Variants in PXDN observed in about 807,000 individuals in gnomAD.
The protein encoded by PXDN is peroxidasin homolog.
A neutral mutation model predicts 140.3 loss-of-function variants in PXDN; 77 were observed. That is an observed-to-expected ratio of 0.55 (90% CI 0.46 to 0.66). PXDN has a LOEUF of 0.66. Among genes scored for constraint, PXDN ranks in the 30% least tolerant of loss-of-function variants. PXDN has a pLI of 0.00. For missense variants in PXDN, 1,838 were observed against 2,039.5 expected (o/e 0.90, Z 1.90); for synonymous variants, 911 against 857.4 (o/e 1.06, Z -1.09).
intron 22 of PXDN, 49 bp from the exon 23 acceptor site, chr2:1,634,372 A>T (rs1324747318): frequency 6.5e-7 from 1 of 1,529,564 alleles, no homozygotes; most frequent in East Asian, 2.5e-5. Context: ...GATGGCCTTC[A>T]GGTGAGCAAA....
chr2:1,736,598 C>G (rs1685428530), intron 1 of PXDN, among the ~76,000 whole-genome samples: 1 of 152,054 alleles, frequency 6.6e-6, no homozygotes, highest in Non-Finnish European at 1.5e-5. Flanking sequence ...GGTGGGAGGA[C>G]TGCTTGAAGC....
In PXDN at chr2:1,685,890, T is replaced by C. The variant is rs184283938; in HGVS notation, c.417-1739A>G. Among the ~76,000 whole-genome samples the C allele has an allele frequency of 1.1e-4, 16 of 152,236 alleles. No individual in the cohort carries two copies. In the East Asian group the frequency reaches 1.6e-3, roughly 15 times the overall value. On this transcript the variant is annotated intron_variant, in intron 4 of 22. Coordinates refer to ENST00000252804, the MANE Select transcript of PXDN (RefSeq NM_012293.3). The surrounding 1 kb of genome is among the most constrained non-coding windows in gnomAD (Gnocchi z 5.1). ...CTCCCCAAGTATACTGAGGTCATCA[T>C]TGAATTCAAACGCATGTTTCCTGAC...
intron 19 of PXDN, among the ~76,000 whole-genome samples, chr2:1,640,533 C>T (rs569607823): frequency 6.6e-6 from 1 of 152,322 alleles, no homozygotes; most frequent in South Asian, 2.1e-4. Flanking sequence ...CACAGCGGAG[C>T]CCACAAACAG....
In PXDN at chr2:1,633,194, A is replaced by G. The variant is rs1159898204; in HGVS notation, c.*1010T>C. 1 of 138,760 alleles carries G rather than the reference A, an allele frequency of 7.2e-6. No individual in the cohort carries two copies. Among genetic ancestry groups the G allele is most frequent in the Non-Finnish European group, 1.5e-5 (1 of 65,762 alleles). The allele number at this position is 138,760 out of a possible 1,614,324, so 8.6% of individuals were successfully genotyped here. ...TTTTTTTTTTTTTTTTAACGCACTC[A>G]CACAACCTGAAGTTAGACAGTTCCC... is the stretch of plus-strand genomic sequence containing the variant. On this transcript the variant is annotated 3_prime_UTR_variant, in exon 23 of 23. Transcript: ENST00000252804.
intron 1 of PXDN, among the ~76,000 whole-genome samples, chr2:1,696,198 A>T (rs988277708): frequency 2.0e-5 from 3 of 152,276 alleles, no homozygotes; most frequent in African/African-American, 7.2e-5. Flanking sequence ...AAACATTTTT[A>T]AAATTAACTG....
intron 9 of PXDN, among the ~76,000 whole-genome samples, chr2:1,668,311 T>A (rs1214923288): frequency 6.6e-6 from 1 of 152,176 alleles, no homozygotes; most frequent in Non-Finnish European, 1.5e-5. Context: ...CAAAGATGGA[T>A]TAAAGACTTA....
chr2:1,720,720 T>TCACA (rs1239770052), intron 1 of PXDN, among the ~76,000 whole-genome samples: 28 of 25,436 alleles, frequency 1.1e-3, no homozygotes, highest in African/African-American at 1.9e-3. Flanking sequence ...TCTCTCTCTC[T>TCACA]CTCTCACACA....
At position 1,648,953 on chromosome 2, in the gene PXDN, G is replaced by A. The variant is rs200127189; in HGVS notation, c.2827C>T (p.Arg943Trp). Residue 943 changes from arginine (R) to tryptophan (W), a missense_variant, in exon 17 of 23, where the codon CGG (arginine) becomes TGG (tryptophan). This residue lies in a region of PXDN where 850 missense variants were observed against 894.1 expected (regional missense o/e 0.95). Transcript: ENST00000252804. The surrounding 1 kb of genome is among the most constrained non-coding windows in gnomAD (Gnocchi z 8.9). ...AAGGGGAGCAGCGGCTTCCCGGACCGCTGCACGATGCCCTGCCGCAGCAGG... is the reference window on the plus strand; with the variant it reads ...AAGGGGAGCAGCGGCTTCCCGGACCACTGCACGATGCCCTGCCGCAGCAGG... ...RGLLRQGIVQ[R>W]SGKPLLPFAT... 2.7e-4 allele frequency: 433 copies of A among 1,606,538 alleles called. No homozygotes were observed. In the African/African-American group the frequency reaches 4.9e-3, roughly 18 times the overall value.
At chr2:1,674,454 C>T (rs561029479) in intron 8 of PXDN, among the ~76,000 whole-genome samples, 3 of 152,344 alleles carry the variant, frequency 2.0e-5, no homozygotes, top group South Asian at 2.1e-4. Context: ...CACTGCACCA[C>T]GAAGAGGCCA....
rs1224580774 is a variant in PXDN, at chr2:1,742,895, TG to T, written c.200+1360del. 1.2e-4 allele frequency among the ~76,000 whole-genome samples: 19 copies of T among 152,370 alleles called. No homozygotes were observed. In the East Asian group the frequency reaches 2.5e-3, roughly 20 times the overall value. ...GGAGCCGTGGTCTGTCCCAGCACTT[TG>T]TTTCGGAGGTAGGCGCACTGGCCGC... On this transcript the variant is annotated intron_variant, in intron 1 of 22. Transcript: ENST00000252804.
rs1221293147 is a variant in PXDN at position 1,633,478 on chromosome 2, C to G, written c.*726G>C. The G allele has an allele frequency of 6.6e-6, 1 of 152,028 alleles. No individual in the cohort carries two copies. The highest frequency in any genetic ancestry group is 1.5e-5 in the Non-Finnish European group (1 of 68,044). 9.4% of individuals were successfully genotyped at this position (152,028 alleles called of 1,614,324 possible). On this transcript the variant is annotated 3_prime_UTR_variant, in exon 23 of 23. Coordinates refer to ENST00000252804, the MANE Select transcript of PXDN (RefSeq NM_012293.3). ...ATGTTCTAATCAGGTGTGGAAGGAG[C>G]TGACACACGGAGAGTCACAGGCTAT... is the stretch of plus-strand genomic sequence containing the variant.
intron 1 of PXDN, among the ~76,000 whole-genome samples, chr2:1,696,340 T>C (rs1684300961): frequency 6.6e-6 from 1 of 152,136 alleles, no homozygotes; most frequent in Non-Finnish European, 1.5e-5. Flanking sequence ...CAGTTAGACC[T>C]CCCACCATGC....
chr2:1,665,179 A>G (rs962744478), intron 10 of PXDN, 105 bp from the exon 11 acceptor site: 50 of 815,966 alleles, frequency 6.1e-5, no homozygotes, highest in Non-Finnish European at 1.2e-5. Context: ...GACCATTAGG[A>G]GCAATGTCTA....
At chr2:1,740,079 G>A (rs923229784) in intron 1 of PXDN, among the ~76,000 whole-genome samples, 1 of 152,236 alleles carries the variant, frequency 6.6e-6, no homozygotes, top group Non-Finnish European at 1.5e-5. Context: ...AGGAGGAGAG[G>A]CCTGGCGTCC....
chr2:1,681,123 C>G (rs1683891854), intron 6 of PXDN, among the ~76,000 whole-genome samples: 1 of 152,026 alleles, frequency 6.6e-6, no homozygotes, highest in African/African-American at 2.4e-5. Flanking sequence ...GGAAGGGGTC[C>G]CCAGGCCCCT....
Position 1,660,934 on chromosome 2 carries a change from A to G in PXDN, c.1784T>C (p.Val595Ala). 1 of 1,613,952 alleles carries G rather than the reference A, an allele frequency of 6.2e-7. No homozygotes were observed. Among genetic ancestry groups the G allele is most frequent in the East Asian group, 2.2e-5 (1 of 44,866 alleles). The change falls in exon 14 of 23, where the codon GTG (valine) becomes GCG (alanine). Residue 595 changes from valine (V) to alanine (A), a missense_variant. Physicochemically the swap from Val to Ala is moderately conservative, Grantham distance 64. This residue lies in a region of PXDN where 537 missense variants were observed against 583.9 expected (regional missense o/e 0.92). Transcript: ENST00000252804. The surrounding 1 kb of genome is among the most constrained non-coding windows in gnomAD (Gnocchi z 4.6). ...GGCCGACCCAATGGTGTTCCGGGCC[A>G]CACACTCATAGCGACCTGCGTCTGC... ...GPADAGRYEC[V>A]ARNTIGSASV...
At position 1,639,746 on chromosome 2, in the gene PXDN, A is replaced by G. The variant is rs1179543796; in HGVS notation, c.3953-324T>C. Among the ~76,000 whole-genome samples, 1 of 152,032 alleles carries G rather than the reference A, an allele frequency of 6.6e-6. No individual in the cohort carries two copies. The highest frequency in any genetic ancestry group is 1.5e-5 in the Non-Finnish European group (1 of 68,002). The stretch of plus-strand genomic sequence containing the variant: ...TCCACCCACAGATGGAGGCTCAGGC[A>G]CTCTGCCTCGGAGATCAGAGTCTGC... On this transcript the variant is annotated intron_variant, in intron 19 of 22. Coordinates refer to ENST00000252804, the MANE Select transcript of PXDN (RefSeq NM_012293.3). This position sits in a 1 kb window ranked among gnomAD's most constrained non-coding sequence, Gnocchi z 5.0.
chr2:1,638,321 AAGGAG>A (rs1682624550), intron 21 of PXDN, among the ~76,000 whole-genome samples: 1 of 152,104 alleles, frequency 6.6e-6, no homozygotes, highest in African/African-American at 2.4e-5. Flanking sequence ...CTGGGATAGG[AAGGAG>A]AGGACAGAAC....
Position 1,648,106 on chromosome 2 carries a change from C to T in PXDN, c.3608+66G>A, listed in dbSNP as rs528582498. The T allele has an allele frequency of 3.0e-5, 46 of 1,542,428 alleles. No individual in the cohort carries two copies. The African/African-American group carries it at 6.2e-4, about 21-fold the overall frequency. On this transcript the variant is annotated intron_variant, in intron 17 of 22. Transcript: ENST00000252804. This position sits in a 1 kb window ranked among gnomAD's most constrained non-coding sequence, Gnocchi z 8.9. ...CACACACAGAGACAAATAACACACA[C>T]ACCACAGTTCAGGTGTTCCAGGTGC...
Sources: gnomAD v4.1 joint callset for allele counts (sites outside exome capture counted in the v4.1 genomes callset) on GRCh38, gnomAD v4.1.1 for gene constraint, gnomAD v4.1.1 regional missense constraint, Gnocchi (gnomAD v3.1) non-coding constraint, MANE v1.5 for transcripts, NCBI Gene and HGNC (gene_info 2026-07-23, HGNC 2026-07-21) for gene names.